PCSK5: variants seen among roughly 807,000 people sequenced by gnomAD.
The protein encoded by PCSK5 is proprotein convertase subtilisin/kexin type 5.
Under a neutral mutation model 233.2 loss-of-function variants are expected in PCSK5, and 129 were observed. The ratio of observed to expected loss-of-function variants is 0.55; its 90% confidence interval spans 0.48 to 0.64. The LOEUF (loss-of-function observed/expected upper bound fraction) is 0.64, where lower values mean the gene tolerates loss of function less well. Among genes scored for constraint, PCSK5 ranks in the 30% least tolerant of loss-of-function variants. The probability of loss-of-function intolerance (pLI) is 0.00; values close to 1 mark genes in which losing one functional copy is unlikely to be tolerated. For missense variants in PCSK5, 2,076 were observed against 2,430.1 expected (o/e 0.85, Z 3.06); for synonymous variants, 825 against 879.2 (o/e 0.94, Z 1.09).
chr9:76,063,298 C>T (rs1343643425), intron 5 of PCSK5, among the ~76,000 whole-genome samples: 3 of 132,906 alleles, frequency 2.3e-5, no homozygotes. Context: ...CCACACCTGG[C>T]TACTGGCTAA....
At chr9:76,107,151 T>G in intron 8 of PCSK5, 100 bp from the exon 9 acceptor site, 1 of 638,562 alleles carries the variant, frequency 1.6e-6, no homozygotes, top group Non-Finnish European at 2.7e-6. Context: ...AACAAGTATT[T>G]AACATATACC....
rs1824241081 is a variant in PCSK5 at position 76,189,107 on chromosome 9, T to A, written c.2394T>A (p.Asp798Glu). The change falls in exon 19 of 38, where the codon GAT becomes GAA. Residue 798 changes from aspartate to glutamate, a missense_variant. Transcript: ENST00000674117. The part of the protein sequence containing the change: ...FCATCAGAGA[D>E]GCINCTEGYF... ...CTTGCTTTTAAGGGGCAGGAGCTGA[T>A]GGGTGCATTAACTGCACAGAGGGCT... The A allele has an allele frequency of 1.2e-6, 2 of 1,613,504 alleles. No homozygotes were observed. The highest frequency in any genetic ancestry group is 2.7e-5 in the African/African-American group (2 of 75,052).
chr9:76,301,556 T>A (rs1156892672), intron 27 of PCSK5, among the ~76,000 whole-genome samples: 1 of 152,158 alleles, frequency 6.6e-6, no homozygotes, highest in Non-Finnish European at 1.5e-5. Context: ...GAAAATGATG[T>A]TTACAGCTGG....
At position 76,098,730 on chromosome 9, in the gene PCSK5, C is replaced by T. The variant is rs556261076; in HGVS notation, c.1107+2628C>T. 6.6e-5 allele frequency among the ~76,000 whole-genome samples: 10 copies of T among 152,268 alleles called. 1 individual carries two copies. The South Asian group carries it at 2.1e-3, about 32-fold the overall frequency. On this transcript the variant is annotated intron_variant, in intron 8 of 37. Transcript: ENST00000674117. ...CTTCTGTAAGGGAAGCATATAGTCT[C>T]ATGGTAAAAATATCAAAGAAGAAGG...
intron 30 of PCSK5, among the ~76,000 whole-genome samples, chr9:76,318,251 G>A (rs1168881189): frequency 6.6e-6 from 1 of 152,050 alleles, no homozygotes; most frequent in Non-Finnish European, 1.5e-5. Flanking sequence ...TCACTCATAA[G>A]TGGGAGTTGA....
At chr9:76,046,471 C>G (rs951540804) in intron 5 of PCSK5, among the ~76,000 whole-genome samples, 2 of 150,262 alleles carry the variant, frequency 1.3e-5, no homozygotes, top group Non-Finnish European at 3.0e-5. Context: ...CCACCGCGCC[C>G]AGCCAATTTT....
At chr9:76,159,765 C>T (rs972654675) in intron 12 of PCSK5, among the ~76,000 whole-genome samples, 1 of 150,522 alleles carries the variant, frequency 6.6e-6, no homozygotes, top group Non-Finnish European at 1.5e-5. Flanking sequence ...CTAGATTTGG[C>T]CTGAGGATTA....
At chr9:76,262,673 C>A (rs1827215219) in intron 24 of PCSK5, among the ~76,000 whole-genome samples, 1 of 151,220 alleles carries the variant, frequency 6.6e-6, no homozygotes, top group African/African-American at 2.4e-5. Flanking sequence ...CCACAAAAAC[C>A]CTAGAAGAAA....
At chr9:76,324,541 G>A (rs1288496966) in intron 32 of PCSK5, among the ~76,000 whole-genome samples, 1 of 151,902 alleles carries the variant, frequency 6.6e-6, no homozygotes, top group African/African-American at 2.4e-5. Flanking sequence ...TCCCTTCATG[G>A]TTTGCTCCCT....
intron 24 of PCSK5, 126 bp downstream of exon 24, chr9:76,240,810 G>A (rs539543581): frequency 5.1e-5 from 34 of 673,230 alleles, no homozygotes; most frequent in South Asian, 3.8e-4. Flanking sequence ...CACCATCAAC[G>A]TCTTAAGTAG....
chr9:75,967,911 C>T (rs1336617553), intron 2 of PCSK5, among the ~76,000 whole-genome samples: 3 of 152,142 alleles, frequency 2.0e-5, no homozygotes, highest in South Asian at 2.1e-4. Context: ...TACAGGCATG[C>T]GCCACCACGC....
At chr9:76,073,486 G>T (rs915711434) in intron 7 of PCSK5, among the ~76,000 whole-genome samples, 1 of 152,040 alleles carries the variant, frequency 6.6e-6, no homozygotes, top group Non-Finnish European at 1.5e-5. Flanking sequence ...TGCCTTAACA[G>T]CAAATGAATA....
At chr9:75,894,028 T>A (rs1399810172) in intron 1 of PCSK5, among the ~76,000 whole-genome samples, 1 of 152,184 alleles carries the variant, frequency 6.6e-6, no homozygotes, top group Non-Finnish European at 1.5e-5. Flanking sequence ...ATTCTTTCCA[T>A]CAGTAAACCA....
At chr9:76,229,934 C>T (rs529878757) in intron 21 of PCSK5, among the ~76,000 whole-genome samples, 4 of 152,318 alleles carry the variant, frequency 2.6e-5, no homozygotes, top group African/African-American at 9.6e-5. Flanking sequence ...AAGCTCTTCC[C>T]CTGCAGAGAT....
intron 5 of PCSK5, among the ~76,000 whole-genome samples, chr9:76,048,382 G>A (rs921297239): frequency 2.0e-5 from 3 of 152,160 alleles, no homozygotes; most frequent in African/African-American, 7.2e-5. Context: ...CTGTTAGAAG[G>A]AGCCTGTGAA....
At chr9:76,245,621 G>T (rs1289529166) in intron 24 of PCSK5, among the ~76,000 whole-genome samples, 1 of 152,140 alleles carries the variant, frequency 6.6e-6, no homozygotes, top group African/African-American at 2.4e-5. Context: ...TACTAATTTT[G>T]CAGAAGGAAT....
intron 3 of PCSK5, among the ~76,000 whole-genome samples, chr9:75,989,613 G>C (rs148088370): frequency 9.1e-4 from 139 of 152,290 alleles, no homozygotes; most frequent in African/African-American, 3.2e-3. Context: ...AGACTCAAAG[G>C]CTTGGTGAGA....
intron 20 of PCSK5, among the ~76,000 whole-genome samples, chr9:76,202,612 C>T (rs1188815250): frequency 1.3e-5 from 2 of 152,088 alleles, no homozygotes; most frequent in African/African-American, 4.8e-5. Context: ...CCATTCTGCC[C>T]TGCACCCTAG....
intron 24 of PCSK5, among the ~76,000 whole-genome samples, chr9:76,272,766 T>C: frequency 2.9e-5 from 2 of 69,462 alleles, no homozygotes; most frequent in South Asian, 6.5e-4. Flanking sequence ...AGAGTGAGAC[T>C]CCATCTCAAA....
Sources: gnomAD v4.1 joint callset for allele counts (sites outside exome capture counted in the v4.1 genomes callset) on GRCh38, gnomAD v4.1.1 for gene constraint, MANE v1.5 for transcripts, NCBI Gene and HGNC (gene_info 2026-07-23, HGNC 2026-07-21) for gene names.